Variants in CSMD1 observed in about 807,000 individuals in gnomAD.
CSMD1 encodes the protein CUB and Sushi multiple domains 1, also known as CUB and sushi domain-containing protein 1.
A neutral mutation model predicts 417.5 loss-of-function variants in CSMD1; 213 were observed. The ratio of observed to expected loss-of-function variants is 0.51; its 90% confidence interval spans 0.46 to 0.57. The LOEUF (loss-of-function observed/expected upper bound fraction) is 0.57. Among genes scored for constraint, CSMD1 ranks in the 20% least tolerant of loss-of-function variants. The probability of loss-of-function intolerance (pLI) is 0.00; values close to 1 mark genes in which losing one functional copy is unlikely to be tolerated. For synonymous variants in CSMD1, 2,862 were observed against 1,736.8 expected, an observed-to-expected ratio of 1.65 and a Z score of -16.11; for missense variants, 6,923 against 4,529.7, an observed-to-expected ratio of 1.53 and a Z score of -15.17.
chr8:4,029,191 TACA>T (rs140532993), intron 4 of CSMD1, among the ~76,000 whole-genome samples: 79 of 152,286 alleles, frequency 5.2e-4, no homozygotes, highest in African/African-American at 1.8e-3. Context: ...CTTTGAATCC[TACA>T]ACGAGAGGTG....
At chr8:3,981,780 C>G (rs1442670554) in intron 5 of CSMD1, among the ~76,000 whole-genome samples, 4 of 152,138 alleles carry the variant, frequency 2.6e-5, no homozygotes, top group African/African-American at 9.7e-5. Context: ...GTGCGCTTCA[C>G]AAAGTCAAGA....
intron 3 of CSMD1, among the ~76,000 whole-genome samples, chr8:4,131,756 CTTTTTTTT>C: frequency 1.1e-5 from 1 of 87,436 alleles, no homozygotes; most frequent in East Asian, 3.8e-4. Context: ...ACAAATGTGA[CTTTTTTTT>C]TTTTTTTTTT....
chr8:4,824,619 G>C (rs958151342), intron 1 of CSMD1, among the ~76,000 whole-genome samples: 10 of 152,146 alleles, frequency 6.6e-5, no homozygotes, highest in Non-Finnish European at 1.3e-4. Context: ...TGAGGTCTGT[G>C]TATGTGTGTG....
intron 28 of CSMD1, 143 bp downstream of exon 28, chr8:3,223,586 C>T: frequency 8.3e-6 from 6 of 721,742 alleles, no homozygotes; most frequent in East Asian, 5.1e-5. Flanking sequence ...TGTCATTTTG[C>T]AGCCTGGTGT....
intron 3 of CSMD1, among the ~76,000 whole-genome samples, chr8:4,290,174 C>T (rs189024200): frequency 1.2e-3 from 187 of 152,208 alleles, no homozygotes; most frequent in African/African-American, 4.2e-3. Context: ...AGCAGAGTTG[C>T]GTGGACTTTT....
chr8:4,778,924 C>T (rs570873402), intron 1 of CSMD1, among the ~76,000 whole-genome samples: 3 of 152,192 alleles, frequency 2.0e-5, no homozygotes, highest in African/African-American at 7.2e-5. Context: ...ATGGAAGCAA[C>T]CTGCTTATCC....
intron 33 of CSMD1, among the ~76,000 whole-genome samples, chr8:3,191,141 A>T (rs1274298099): frequency 6.6e-6 from 1 of 152,158 alleles, no homozygotes; most frequent in Non-Finnish European, 1.5e-5. Flanking sequence ...CTCTAAAGTC[A>T]CCTAGGATGA....
intron 6 of CSMD1, among the ~76,000 whole-genome samples, chr8:3,747,685 C>G (rs1419122127): frequency 6.6e-6 from 1 of 152,024 alleles, no homozygotes; most frequent in Admixed American, 6.6e-5. Flanking sequence ...CCTAGCTGCT[C>G]ATTTCTGTTG....
At chr8:4,382,773 A>C (rs1399163114) in intron 3 of CSMD1, among the ~76,000 whole-genome samples, 1 of 152,238 alleles carries the variant, frequency 6.6e-6, no homozygotes, top group Non-Finnish European at 1.5e-5. Context: ...AAAGAAACAC[A>C]AAATAATAAT....
chr8:3,673,787 C>A (rs1196080330), intron 7 of CSMD1, among the ~76,000 whole-genome samples: 5 of 152,162 alleles, frequency 3.3e-5, no homozygotes, highest in African/African-American at 1.2e-4. Context: ...TGCAAACCTA[C>A]ACTGTGGGCA....
chr8:4,548,992 A>G (rs1176176697), intron 2 of CSMD1, among the ~76,000 whole-genome samples: 1 of 152,098 alleles, frequency 6.6e-6, no homozygotes, highest in African/African-American at 2.4e-5. Flanking sequence ...GTATTTTTTT[A>G]TTTCCAAGTT....
intron 3 of CSMD1, among the ~76,000 whole-genome samples, chr8:4,038,233 G>A (rs1057248258): frequency 3.9e-5 from 6 of 151,968 alleles, no homozygotes; most frequent in African/African-American, 1.4e-4. Context: ...AAATTTTAAT[G>A]GGAACAATGT....
chr8:4,605,123 G>C lies in CSMD1; in HGVS notation c.302+32219C>G, dbSNP rs148948590. On this transcript the variant is annotated intron_variant, in intron 2 of 69. Coordinates refer to ENST00000635120, the MANE Select transcript of CSMD1 (RefSeq NM_033225.6). ...GTACCAAAGTATTTTAAAAATCACT[G>C]AAATTAGTATTATGTCACCGTGTTC... Among the ~76,000 whole-genome samples the C allele has an allele frequency of 7.2e-5, 11 of 152,300 alleles. No homozygotes were observed. The East Asian group carries it at 1.9e-3, about 27-fold the overall frequency.
At chr8:4,143,125 G>A (rs1374319302) in intron 3 of CSMD1, among the ~76,000 whole-genome samples, 2 of 123,576 alleles carry the variant, frequency 1.6e-5, no homozygotes, top group African/African-American at 3.0e-5. Context: ...ATGGAGGATT[G>A]GAATTAGCAT....
At chr8:4,102,074 G>T (rs1056171372) in intron 3 of CSMD1, among the ~76,000 whole-genome samples, 1 of 152,124 alleles carries the variant, frequency 6.6e-6, no homozygotes, top group Non-Finnish European at 1.5e-5. Flanking sequence ...AGTTTTACCT[G>T]CGCTGCACTA....
At chr8:3,800,566 G>T (rs1418956490) in intron 5 of CSMD1, among the ~76,000 whole-genome samples, 1 of 152,084 alleles carries the variant, frequency 6.6e-6, no homozygotes, top group Admixed American at 6.6e-5. Flanking sequence ...GGATATGGTT[G>T]TCTCCACCAA....
At chr8:4,445,885 A>G (rs1012418441) in intron 2 of CSMD1, among the ~76,000 whole-genome samples, 1 of 152,194 alleles carries the variant, frequency 6.6e-6, no homozygotes, top group Non-Finnish European at 1.5e-5. Context: ...AGGGCACAAG[A>G]GGAGAGAGCA....
At chr8:4,124,785 T>C (rs562878554) in intron 3 of CSMD1, among the ~76,000 whole-genome samples, 1 of 152,148 alleles carries the variant, frequency 6.6e-6, no homozygotes. Context: ...ATAGGAAGTT[T>C]AAGCTCTAGT....
chr8:4,100,098 A>G (rs1238186427), intron 3 of CSMD1, among the ~76,000 whole-genome samples: 3 of 152,100 alleles, frequency 2.0e-5, no homozygotes, highest in African/African-American at 7.2e-5. Flanking sequence ...ACTCCTACTC[A>G]CTGGCTTTCT....
Sources: allele counts gnomAD v4.1 joint callset (sites outside exome capture counted in the v4.1 genomes callset), GRCh38; gene constraint gnomAD v4.1.1; transcripts MANE v1.5; gene names NCBI Gene and HGNC (gene_info 2026-07-23, HGNC 2026-07-21).